Variants in DRG1 observed in about 807,000 individuals in gnomAD.
The protein encoded by DRG1 is developmentally-regulated GTP-binding protein 1.
DRG1 carries 19 observed loss-of-function variants against 38.8 expected under a neutral mutation model. That is an observed-to-expected ratio of 0.49 (90% CI 0.34 to 0.72). The LOEUF is 0.72. DRG1 is among the 30% of genes least tolerant of loss of function. The probability of loss-of-function intolerance (pLI) is 0.01; values close to 1 mark genes in which losing one functional copy is unlikely to be tolerated. For missense variants in DRG1, 299 were observed against 444.8 expected, an observed-to-expected ratio of 0.67 and a Z score of 2.95; for synonymous variants, 167 against 157.5, an observed-to-expected ratio of 1.06 and a Z score of -0.45.
At position 31,418,620 on chromosome 22, in the gene DRG1, G is replaced by A. The variant is rs549963777; in HGVS notation, c.413-1636G>A. Among the ~76,000 whole-genome samples the A allele has an allele frequency of 3.5e-3, 538 of 152,134 alleles. 2 individuals carry two copies. The highest frequency in any genetic ancestry group is 5.1e-3 in the Non-Finnish European group (350 of 67,998). On this transcript the variant is annotated intron_variant, in intron 4 of 8. Coordinates refer to ENST00000331457, the MANE Select transcript of DRG1 (RefSeq NM_004147.4). The stretch of plus-strand genomic sequence containing the variant: ...CCTCCCTGGTTCAAGTGATTCTCGT[G>A]CCTCAGCCTCCTGAGTAGCTGGGAT...
chr22:31,431,424 T>C (rs1160295849), intron 8 of DRG1, among the ~76,000 whole-genome samples: 1 of 152,144 alleles, frequency 6.6e-6, no homozygotes, highest in African/African-American at 2.4e-5. Flanking sequence ...CTCAGCACTT[T>C]GTGGCCAAGG....
chr22:31,423,863 C>CTTTT (rs71202076), intron 6 of DRG1, among the ~76,000 whole-genome samples: 2 of 119,252 alleles, frequency 1.7e-5, no homozygotes, highest in African/African-American at 6.6e-5. Flanking sequence ...GCTTTGGTTT[C>CTTTT]TTTTTTTTTT....
rs2049988979 is a variant in DRG1 at position 31,406,063 on chromosome 22, G to A, written c.342+2859G>A. Among the ~76,000 whole-genome samples, 4 of 147,660 alleles carry A rather than the reference G, an allele frequency of 2.7e-5. 1 individual carries two copies. The South Asian group carries it at 8.6e-4, about 32-fold the overall frequency. ...TGTGTTGCCCAAGATGGAGTGCAGT[G>A]GCACAATCTCGGCTCACTCCAACCT... On this transcript the variant is annotated intron_variant, in intron 3 of 8. Coordinates refer to ENST00000331457, the MANE Select transcript of DRG1 (RefSeq NM_004147.4).
chr22:31,415,587 C>T (rs1024636190), intron 4 of DRG1, among the ~76,000 whole-genome samples: 1 of 152,164 alleles, frequency 6.6e-6, no homozygotes, highest in African/African-American at 2.4e-5. Flanking sequence ...GTCTAGAACT[C>T]CTCACCTCAA....
intron 8 of DRG1, among the ~76,000 whole-genome samples, chr22:31,431,259 C>T (rs2145872969): frequency 6.6e-6 from 1 of 152,140 alleles, no homozygotes; most frequent in Non-Finnish European, 1.5e-5. Context: ...TGGTCTCGAT[C>T]TCCTGACCTC....
At chr22:31,432,462 G>T (rs2050144985) in intron 8 of DRG1, among the ~76,000 whole-genome samples, 1 of 149,818 alleles carries the variant, frequency 6.7e-6, no homozygotes, top group Non-Finnish European at 1.5e-5. Context: ...GAGAGACTCA[G>T]TCGCCCAGGC....
intron 4 of DRG1, among the ~76,000 whole-genome samples, chr22:31,417,670 A>C (rs1257625542): frequency 6.6e-6 from 1 of 150,528 alleles, no homozygotes; most frequent in African/African-American, 2.5e-5. Flanking sequence ...ACAGAGCAAG[A>C]CTCCATCTCA....
chr22:31,412,030 G>A (rs1198110947), intron 4 of DRG1, among the ~76,000 whole-genome samples: 2 of 151,704 alleles, frequency 1.3e-5, no homozygotes, highest in African/African-American at 4.8e-5. Context: ...TGTGGCTCAC[G>A]CCTGTAATCC....
intron 8 of DRG1, among the ~76,000 whole-genome samples, chr22:31,433,100 A>T (rs1420942675): frequency 2.0e-5 from 3 of 152,040 alleles, no homozygotes; most frequent in Non-Finnish European, 4.4e-5. Context: ...TTAGGGAGGA[A>T]GATTTTCCTG....
chr22:31,417,442 G>A (rs1212158989), intron 4 of DRG1, among the ~76,000 whole-genome samples: 2 of 152,036 alleles, frequency 1.3e-5, no homozygotes, highest in Non-Finnish European at 2.9e-5. Context: ...CACTCTGGGA[G>A]GCTGAGGGGG....
intron 4 of DRG1, among the ~76,000 whole-genome samples, chr22:31,415,781 A>G (rs540854956): frequency 1.3e-5 from 2 of 152,164 alleles, no homozygotes; most frequent in African/African-American, 4.8e-5. Flanking sequence ...TTACCTAGAG[A>G]CTACTCTTAT....
At chr22:31,433,602 T>G (rs1485515752) in intron 8 of DRG1, among the ~76,000 whole-genome samples, 1 of 151,286 alleles carries the variant, frequency 6.6e-6, no homozygotes, top group Non-Finnish European at 1.5e-5. Context: ...ATCCATGCTT[T>G]CTTTTAATTT....
At chr22:31,405,999 CTTTT>C (rs2049988396) in intron 3 of DRG1, among the ~76,000 whole-genome samples, 1 of 146,120 alleles carries the variant, frequency 6.8e-6, no homozygotes, top group Non-Finnish European at 1.5e-5. Context: ...TTTCTTTTTT[CTTTT>C]TTCTTTTTTT....
rs931923666 is a variant in DRG1, at chr22:31,420,497, C to A, written c.582+72C>A. ...TGGGGAGTGGATTGGGGTGCATGGA[C>A]CCTGACATTGGAAAATTTCCTGGCT... On this transcript the variant is annotated intron_variant, in intron 5 of 8. Coordinates refer to ENST00000331457, the MANE Select transcript of DRG1 (RefSeq NM_004147.4). 5.1e-6 allele frequency: 8 copies of A among 1,559,470 alleles called. No homozygotes were observed. The African/African-American group carries it at 8.2e-5, about 16-fold the overall frequency.
At chr22:31,428,804 T>G (rs985564079) in intron 8 of DRG1, among the ~76,000 whole-genome samples, 1 of 152,188 alleles carries the variant, frequency 6.6e-6, no homozygotes, top group Non-Finnish European at 1.5e-5. Flanking sequence ...GTTATTTGAT[T>G]GAATATTCCT....
intron 8 of DRG1, among the ~76,000 whole-genome samples, chr22:31,428,617 T>C (rs1197977329): frequency 3.9e-5 from 6 of 152,250 alleles, no homozygotes; most frequent in Non-Finnish European, 8.8e-5. Flanking sequence ...TTGTTAACTA[T>C]AGATCTTATT....
At position 31,401,583 on chromosome 22, in the gene DRG1, C is replaced by CAAA. The variant is rs951167073; in HGVS notation, c.166+861_166+863dup. Among the ~76,000 whole-genome samples the CAAA allele has an allele frequency of 5.6e-3, 301 of 53,690 alleles. 2 individuals carry two copies. The highest frequency in any genetic ancestry group is 0.02 in the African/African-American group (272 of 13,608). The allele number at this position is 53,690 out of a possible 152,430, so 35.2% of individuals were successfully genotyped here. A position where few individuals can be genotyped will look rare whatever the true frequency, so the allele number is the denominator to read the frequency against. On this transcript the variant is annotated intron_variant, in intron 2 of 8. Transcript: ENST00000331457. ...TGGGCTACAGAGCTAGACTCTGTCT[C>CAAA]AAAAAAAAAAAAAAAAAAAAAAAGT...
At chr22:31,413,766 A>G (rs1252559378) in intron 4 of DRG1, among the ~76,000 whole-genome samples, 1 of 151,878 alleles carries the variant, frequency 6.6e-6, no homozygotes, top group Non-Finnish European at 1.5e-5. Context: ...GGCACCTGCC[A>G]CCACGCCTGG....
intron 1 of DRG1, among the ~76,000 whole-genome samples, chr22:31,400,149 TCC>T (rs2049952903): frequency 6.6e-6 from 1 of 151,856 alleles, no homozygotes; most frequent in African/African-American, 2.4e-5. Context: ...TCCCCCTTAT[TCC>T]CCCTTTTCCC....
Sources: gnomAD v4.1 joint callset for allele counts (sites outside exome capture counted in the v4.1 genomes callset) on GRCh38, gnomAD v4.1.1 for gene constraint, MANE v1.5 for transcripts, NCBI Gene and HGNC (gene_info 2026-07-23, HGNC 2026-07-21) for gene names.